Variants in AKAP19 observed in about 807,000 individuals in gnomAD.
The protein encoded by AKAP19 is small A-kinase anchoring protein.
the AKAP19 span, among the ~76,000 whole-genome samples, chr2:190,145,025 A>C: frequency 6.6e-6 from 1 of 152,184 alleles, no homozygotes; most frequent in African/African-American, 2.4e-5. Flanking sequence ...TCACATCTGC[A>C]ATCCATCCCA....
the AKAP19 span, among the ~76,000 whole-genome samples, chr2:190,047,388 G>A: frequency 5.4e-4 from 82 of 152,200 alleles, no homozygotes; most frequent in African/African-American, 1.2e-3. Flanking sequence ...TCTTTAAGTC[G>A]TTGTGAACTC....
the AKAP19 span, among the ~76,000 whole-genome samples, chr2:189,947,893 A>G: frequency 6.6e-6 from 1 of 152,114 alleles, no homozygotes; most frequent in African/African-American, 2.4e-5. Flanking sequence ...GACCAATAAT[A>G]TTATCTTTTT....
the AKAP19 span, among the ~76,000 whole-genome samples, chr2:190,061,626 CTA>C: frequency 6.6e-6 from 1 of 151,920 alleles, no homozygotes; most frequent in Non-Finnish European, 1.5e-5. Context: ...GATTATTATG[CTA>C]TGTTTACTTC....
the AKAP19 span, among the ~76,000 whole-genome samples, chr2:190,000,279 G>C: frequency 1.3e-5 from 2 of 152,168 alleles, no homozygotes; most frequent in East Asian, 1.9e-4. Flanking sequence ...AAACCACGTA[G>C]GGGTAAATAA....
At chr2:190,173,613 A>G in the AKAP19 span, among the ~76,000 whole-genome samples, 1 of 152,212 alleles carries the variant, frequency 6.6e-6, no homozygotes, top group African/African-American at 2.4e-5. Flanking sequence ...CTTCCCAGAT[A>G]GATCATCTGA....
At chr2:189,987,567 C>T in the AKAP19 span, among the ~76,000 whole-genome samples, 14 of 152,282 alleles carry the variant, frequency 9.2e-5, no homozygotes, top group East Asian at 1.5e-3. Flanking sequence ...CTCCTATTCC[C>T]ACTCTGTCCT....
At chr2:189,954,943 A>T in the AKAP19 span, among the ~76,000 whole-genome samples, 2 of 147,442 alleles carry the variant, frequency 1.4e-5, no homozygotes, top group East Asian at 1.9e-4. Flanking sequence ...ATTCTTTTTT[A>T]AAAAAATATT....
the AKAP19 span, among the ~76,000 whole-genome samples, chr2:190,104,656 G>A: frequency 6.6e-6 from 1 of 152,078 alleles, no homozygotes; most frequent in Admixed American, 6.5e-5. Flanking sequence ...CAGGCATGGT[G>A]GTGTGTGCCT....
the AKAP19 span, among the ~76,000 whole-genome samples, chr2:189,969,209 G>T: frequency 1.3e-5 from 2 of 152,092 alleles, no homozygotes; most frequent in Non-Finnish European, 2.9e-5. Flanking sequence ...AGGTCCTTTG[G>T]GAGGTGATCA....
chr2:190,140,377 C>A, the AKAP19 span, among the ~76,000 whole-genome samples: 1 of 152,198 alleles, frequency 6.6e-6, no homozygotes, highest in Non-Finnish European at 1.5e-5. Flanking sequence ...TGGGGGCTCC[C>A]ACACCACATT....
chr2:189,985,249 A>T, the AKAP19 span, among the ~76,000 whole-genome samples: 1 of 152,016 alleles, frequency 6.6e-6, no homozygotes, highest in Non-Finnish European at 1.5e-5. Flanking sequence ...TCAGTTTTCC[A>T]TACAGAGCTT....
chr2:190,015,508 G>A, the AKAP19 span, among the ~76,000 whole-genome samples: 1 of 152,176 alleles, frequency 6.6e-6, no homozygotes, highest in African/African-American at 2.4e-5. Flanking sequence ...GTAGGCCTCT[G>A]GGCCTGTGAT....
the AKAP19 span, among the ~76,000 whole-genome samples, chr2:190,149,997 G>A: frequency 4.6e-5 from 7 of 152,204 alleles, no homozygotes; most frequent in Middle Eastern, 0.01. Flanking sequence ...AGGGAAGTGG[G>A]GGAAAGCCGG....
At chr2:190,149,940 G>A in the AKAP19 span, among the ~76,000 whole-genome samples, 1 of 152,046 alleles carries the variant, frequency 6.6e-6, no homozygotes, top group Non-Finnish European at 1.5e-5. Context: ...CTATTATTGT[G>A]TTGCTGCCTA....
chr2:190,016,921 C>T, the AKAP19 span, among the ~76,000 whole-genome samples: 1 of 152,062 alleles, frequency 6.6e-6, no homozygotes, highest in Non-Finnish European at 1.5e-5. Flanking sequence ...ATTATCTCTC[C>T]TTTCACATAT....
chr2:189,992,860 T>G, the AKAP19 span, among the ~76,000 whole-genome samples: 3 of 152,242 alleles, frequency 2.0e-5, no homozygotes, highest in Admixed American at 6.5e-5. Context: ...TTTTGTACAT[T>G]GATTTTGTAT....
At chr2:190,149,759 T>C in the AKAP19 span, among the ~76,000 whole-genome samples, 2 of 152,224 alleles carry the variant, frequency 1.3e-5, no homozygotes, top group African/African-American at 4.8e-5. Flanking sequence ...TTGGAGAAAG[T>C]TCCATGCACT....
the AKAP19 span, among the ~76,000 whole-genome samples, chr2:189,983,780 A>G: frequency 6.6e-6 from 1 of 152,138 alleles, no homozygotes; most frequent in Admixed American, 6.5e-5. Flanking sequence ...TTTTGGGGGA[A>G]CTGCCCCGAA....
At chr2:190,039,440 G>C in the AKAP19 span, among the ~76,000 whole-genome samples, 2 of 152,166 alleles carry the variant, frequency 1.3e-5, no homozygotes, top group Non-Finnish European at 2.9e-5. Flanking sequence ...TGCCCCAGTA[G>C]TGGAAAACTG....
Sources: allele counts gnomAD v4.1 joint callset (sites outside exome capture counted in the v4.1 genomes callset), GRCh38; gene constraint gnomAD v4.1.1; transcripts MANE v1.5; gene names NCBI Gene and HGNC (gene_info 2026-07-23, HGNC 2026-07-21).